Variants in CDK8 observed in about 807,000 individuals in gnomAD.
CDK8 encodes the protein cyclin-dependent kinase 8.
A neutral mutation model predicts 71.5 loss-of-function variants in CDK8; 29 were observed. The ratio of observed to expected loss-of-function variants is 0.41; its 90% CI spans 0.30 to 0.55. The LOEUF is 0.55. CDK8 is among the 20% of genes least tolerant of loss of function. The pLI is 0.37. For synonymous variants in CDK8, 161 were observed against 192.1 expected, an observed-to-expected ratio of 0.84 and a Z score of 1.34; for missense variants, 288 against 572.6, an observed-to-expected ratio of 0.50 and a Z score of 5.07.
At chr13:26,360,213 T>C (rs1374202138) in intron 4 of CDK8, among the ~76,000 whole-genome samples, 2 of 152,146 alleles carry the variant, frequency 1.3e-5, no homozygotes, top group African/African-American at 4.8e-5. Context: ...CCCAGCACTT[T>C]AGGAGGCCAA....
chr13:26,273,351 TGTAGTTCATGAA>T (rs1350237298), intron 1 of CDK8, among the ~76,000 whole-genome samples: 1 of 152,202 alleles, frequency 6.6e-6, no homozygotes, highest in African/African-American at 2.4e-5. Context: ...TTGACTTTTT[TGTAGTTCATGAA>T]GTTTAAACAC....
chr13:26,390,170 T>C (rs1435089897), intron 6 of CDK8, among the ~76,000 whole-genome samples: 1 of 152,126 alleles, frequency 6.6e-6, no homozygotes, highest in African/African-American at 2.4e-5. Flanking sequence ...ACCAAGAACT[T>C]CCCCAGCATT....
chr13:26,329,673 T>G (rs964739196), intron 1 of CDK8, among the ~76,000 whole-genome samples: 2 of 152,090 alleles, frequency 1.3e-5, no homozygotes, highest in African/African-American at 4.8e-5. Flanking sequence ...TGGCTAAATT[T>G]TTGTATTTTT....
intron 6 of CDK8, among the ~76,000 whole-genome samples, chr13:26,391,149 C>T (rs994627289): frequency 6.6e-6 from 1 of 151,714 alleles, no homozygotes; most frequent in Admixed American, 6.6e-5. Flanking sequence ...GTAAAATTGA[C>T]AAAGGTGAGA....
chr13:26,389,899 G>A (rs1018448588), intron 6 of CDK8, among the ~76,000 whole-genome samples: 1 of 152,142 alleles, frequency 6.6e-6, no homozygotes, highest in Non-Finnish European at 1.5e-5. Flanking sequence ...TCAGGAAGCT[G>A]AGGCAGGAGA....
At chr13:26,305,201 C>T (rs1873991592) in intron 1 of CDK8, among the ~76,000 whole-genome samples, 3 of 152,116 alleles carry the variant, frequency 2.0e-5, no homozygotes, top group South Asian at 4.1e-4. Flanking sequence ...CTTTATTTCA[C>T]CTTTAATCTT....
chr13:26,290,771 A>T (rs532020729), intron 1 of CDK8, among the ~76,000 whole-genome samples: 2 of 152,260 alleles, frequency 1.3e-5, no homozygotes, highest in Admixed American at 1.3e-4. Flanking sequence ...TCAGGCAATC[A>T]AAATTTAGCA....
At chr13:26,259,357 C>T (rs947042566) in intron 1 of CDK8, among the ~76,000 whole-genome samples, 1 of 151,954 alleles carries the variant, frequency 6.6e-6, no homozygotes, top group Non-Finnish European at 1.5e-5. Context: ...TTTTTCTTGT[C>T]ATTATTTCCT....
At chr13:26,272,152 A>G (rs1872357527) in intron 1 of CDK8, among the ~76,000 whole-genome samples, 2 of 152,084 alleles carry the variant, frequency 1.3e-5, no homozygotes, top group African/African-American at 4.8e-5. Flanking sequence ...ATAGGTGTAT[A>G]AAAACATTTT....
chr13:26,282,461 C>A lies in CDK8; in HGVS notation c.128+27692C>A, dbSNP rs532628446. ...TGCCAGCCAAGAATTTCATATTGAG[C>A]AAAATGAACCTTCATAAATGGAAAG... On this transcript the variant is annotated intron_variant, in intron 1 of 12. Coordinates refer to ENST00000381527, the MANE Select transcript of CDK8 (RefSeq NM_001260.3). Among the ~76,000 whole-genome samples, 4 of 152,214 alleles carry A rather than the reference C, an allele frequency of 2.6e-5. No individual in the cohort carries two copies. The East Asian group carries it at 5.8e-4, about 22-fold the overall frequency.
chr13:26,309,529 A>G (rs951991289), intron 1 of CDK8, among the ~76,000 whole-genome samples: 1 of 152,146 alleles, frequency 6.6e-6, no homozygotes, highest in Non-Finnish European at 1.5e-5. Flanking sequence ...TTTCATATGT[A>G]TGGCTTTTTC....
intron 1 of CDK8, among the ~76,000 whole-genome samples, chr13:26,279,489 T>C (rs1484699660): frequency 6.6e-6 from 1 of 152,082 alleles, no homozygotes; most frequent in Non-Finnish European, 1.5e-5. Flanking sequence ...GGTATAGTTG[T>C]CCCACCAAAA....
intron 6 of CDK8, among the ~76,000 whole-genome samples, chr13:26,389,586 A>G (rs754006385): frequency 2.0e-5 from 3 of 152,132 alleles, no homozygotes; most frequent in Non-Finnish European, 4.4e-5. Flanking sequence ...GGTGATTCCA[A>G]CCCACACCGT....
At chr13:26,303,270 CT>C (rs1432033933) in intron 1 of CDK8, among the ~76,000 whole-genome samples, 3 of 150,356 alleles carry the variant, frequency 2.0e-5, no homozygotes, top group African/African-American at 7.3e-5. Flanking sequence ...ATTCTGATAT[CT>C]TTTATTATTG....
intron 3 of CDK8, among the ~76,000 whole-genome samples, chr13:26,349,987 C>A (rs1873620665): frequency 6.6e-6 from 1 of 152,164 alleles, no homozygotes; most frequent in African/African-American, 2.4e-5. Flanking sequence ...CACTTATTTA[C>A]TATTGTGTCA....
chr13:26,284,693 GAGA>G (rs1872915781), intron 1 of CDK8, among the ~76,000 whole-genome samples: 3 of 152,122 alleles, frequency 2.0e-5, no homozygotes, highest in Non-Finnish European at 4.4e-5. Context: ...CAGGCATTCA[GAGA>G]AGAATTGGTA....
In CDK8 at chr13:26,360,283, C is replaced by T. The variant is rs147595854; in HGVS notation, c.456+6403C>T. Among the ~76,000 whole-genome samples the T allele has an allele frequency of 4.6e-5, 7 of 152,272 alleles. No homozygotes were observed. The East Asian group carries it at 1.4e-3, about 29-fold the overall frequency. On this transcript the variant is annotated intron_variant, in intron 4 of 12. Coordinates refer to ENST00000381527, the MANE Select transcript of CDK8 (RefSeq NM_001260.3). Reference sequence around the variant, plus strand: ...CCAGCCTGGGCAATATAGTGAGACTCTGTCTCTACAAAAAGAAAATTGAAA... The same window carrying T: ...CCAGCCTGGGCAATATAGTGAGACTTTGTCTCTACAAAAAGAAAATTGAAA...
intron 4 of CDK8, among the ~76,000 whole-genome samples, chr13:26,369,097 G>A (rs995999004): frequency 4.6e-5 from 7 of 151,906 alleles, no homozygotes; most frequent in African/African-American, 1.7e-4. Context: ...TTAGTCTCTG[G>A]AATAGTTTGT....
chr13:26,380,873 T>C (rs1875193829), intron 4 of CDK8, among the ~76,000 whole-genome samples: 1 of 152,240 alleles, frequency 6.6e-6, no homozygotes, highest in South Asian at 2.1e-4. Flanking sequence ...TACAGTTTTA[T>C]TCTTCTAGTC....
Sources: gnomAD v4.1 joint callset for allele counts (sites outside exome capture counted in the v4.1 genomes callset) on GRCh38, gnomAD v4.1.1 for gene constraint, MANE v1.5 for transcripts, NCBI Gene and HGNC (gene_info 2026-07-23, HGNC 2026-07-21) for gene names.